MAP4K3: variants seen among roughly 807,000 people sequenced by gnomAD.
MAP4K3 encodes MAPK/ERK kinase kinase kinase 3.
MAP4K3 carries 94 observed loss-of-function variants against 143.5 expected under a neutral mutation model. The observed-to-expected ratio is 0.65, with a 90% CI of 0.55 to 0.78. The LOEUF (loss-of-function observed/expected upper bound fraction) is 0.78. Among genes scored for constraint, MAP4K3 ranks in the 30% least tolerant of loss-of-function variants. The pLI is 0.00. For synonymous variants in MAP4K3, 416 were observed against 347.2 expected (o/e 1.20, Z -2.20); for missense variants, 1,077 against 1,068.1 (o/e 1.01, Z -0.12).
Position 39,337,590 on chromosome 2 carries a change from G to A in MAP4K3, c.311-9C>T, listed in dbSNP as rs778859477. On this transcript the variant is annotated splice_polypyrimidine_tract_variant and intron_variant, in intron 4 of 33. Transcript: ENST00000263881. ...TGACAGAGGTCCAGTTACTGTAAAA[G>A]AAGACAATTAATACTCATAAAATTA... 2 of 1,597,924 alleles carry A rather than the reference G, an allele frequency of 1.3e-6. No homozygotes were observed. Among genetic ancestry groups the A allele is most frequent in the South Asian group, 2.2e-5 (2 of 90,510 alleles).
In MAP4K3 at chr2:39,299,775, T is replaced by C. The variant is rs767137530; in HGVS notation, c.1146A>G (p.Gly382=). The C allele has an allele frequency of 1.3e-6, 2 of 1,577,946 alleles. No homozygotes were observed. Among genetic ancestry groups the C allele is most frequent in the Admixed American group, 3.7e-5 (2 of 54,468 alleles). ...NLDLQLEYGQ[G]HQGGYFLGAN... ...CACCTAAAAAGTAACCACCTTGGTG[T>C]CCTTGTCCATATTCCAGTTGCAGAT... The change falls in exon 16 of 34, where the codon GGA becomes GGG. Residue 382 remains glycine, a synonymous_variant. Transcript: ENST00000263881.
rs77663149 is a variant in MAP4K3 at position 39,292,960 on chromosome 2, C to G, written c.1218-134G>C. ...GCATCTTTATAGGATAGGATAGATT[C>G]AGAATTAAAACAAGGAACTGGGAGC... On this transcript the variant is annotated intron_variant, in intron 17 of 33. Coordinates refer to ENST00000263881, the MANE Select transcript of MAP4K3 (RefSeq NM_003618.4). 2.3e-3 allele frequency: 1,775 copies of G among 776,802 alleles called. 26 individuals are homozygous for G. The African/African-American group carries it at 0.029, about 13-fold the overall frequency. The allele number at this position is 776,802 out of a possible 1,614,324, so 48.1% of individuals were successfully genotyped here.
At chr2:39,295,209 G>C (rs1018037099) in intron 16 of MAP4K3, among the ~76,000 whole-genome samples, 1 of 152,040 alleles carries the variant, frequency 6.6e-6, no homozygotes, top group African/African-American at 2.4e-5. Flanking sequence ...CACTGCCTCT[G>C]AGTCTCAGGA....
intron 1 of MAP4K3, among the ~76,000 whole-genome samples, chr2:39,415,980 A>AAAAAAAATATATATATATATATAT (rs1553318573): frequency 6.8e-5 from 1 of 14,754 alleles, no homozygotes; most frequent in East Asian, 2.5e-3. Context: ...AAAAAAAAAA[A>AAAAAAAATATATATATATATATAT]ATATATATAT....
chr2:39,396,865 C>T (rs1005092375), intron 1 of MAP4K3, among the ~76,000 whole-genome samples: 8 of 152,156 alleles, frequency 5.3e-5, no homozygotes, highest in African/African-American at 1.2e-4. Flanking sequence ...TTATAAGAGA[C>T]CAAAGAGTCA....
intron 19 of MAP4K3, 101 bp from the exon 20 acceptor site, chr2:39,288,381 A>G: frequency 9.9e-7 from 1 of 1,005,466 alleles, no homozygotes; most frequent in Non-Finnish European, 1.5e-6. Context: ...TTTCTACTAT[A>G]CATTAGAGGT....
chr2:39,327,505 T>C (rs972036278), intron 8 of MAP4K3, among the ~76,000 whole-genome samples: 2 of 152,168 alleles, frequency 1.3e-5, no homozygotes, highest in Admixed American at 6.5e-5. Context: ...AAACAATATT[T>C]TTAAAAGCAA....
In MAP4K3 at chr2:39,331,824, T is replaced by C. The variant is rs1573161476; in HGVS notation, c.530+93A>G. ...CTGTTGATGACTTTTTTCTTAATCT[T>C]AGTCTGAAAAATTCTGACCAGTCTA... On this transcript the variant is annotated intron_variant, in intron 8 of 33. Coordinates refer to ENST00000263881, the MANE Select transcript of MAP4K3 (RefSeq NM_003618.4). 3.9e-6 allele frequency: 3 copies of C among 761,096 alleles called. No individual in the cohort carries two copies. In the East Asian group the frequency reaches 8.3e-5, roughly 21 times the overall value. 47.1% of individuals were successfully genotyped at this position (761,096 alleles called of 1,614,324 possible).
chr2:39,313,928 T>C (rs556380743), intron 13 of MAP4K3, among the ~76,000 whole-genome samples: 4 of 152,366 alleles, frequency 2.6e-5, no homozygotes, highest in Admixed American at 1.3e-4. Context: ...ACTGACAATG[T>C]AATTTTTTAA....
intron 31 of MAP4K3, 68 bp from the exon 32 acceptor site, chr2:39,254,588 C>A (rs1680274924): frequency 4.5e-6 from 5 of 1,120,530 alleles, no homozygotes; most frequent in Non-Finnish European, 6.7e-6. Context: ...ATCATTTCAT[C>A]CCTCTATCTC....
intron 2 of MAP4K3, among the ~76,000 whole-genome samples, chr2:39,369,193 G>GTTTTTTTGTTTGTTTGTT (rs747293878): frequency 7.9e-5 from 3 of 37,978 alleles, no homozygotes; most frequent in African/African-American, 1.2e-4. Context: ...CTTTGGGCTA[G>GTTTTTTTGTTTGTTTGTT]TTTTTTTTTT....
chr2:39,415,990 T>A (rs1196924362), intron 1 of MAP4K3, among the ~76,000 whole-genome samples: 42 of 77,380 alleles, frequency 5.4e-4, no homozygotes, highest in Non-Finnish European at 6.4e-4. Flanking sequence ...AATATATATA[T>A]ATATATATAT....
Position 39,288,168 on chromosome 2 carries a change from G to C in MAP4K3, c.1427C>G (p.Pro476Arg). Residue 476 changes from proline (P) to arginine (R), a missense_variant, in exon 20 of 34, where the codon CCT (proline) becomes CGT (arginine). Coordinates refer to ENST00000263881, the MANE Select transcript of MAP4K3 (RefSeq NM_003618.4). ...GSPAKPSQVP[P>R]RPPPPRLPPH... ...GGGTAATCTGGGAGGTGGTGGTCTA[G>C]GTGGAACTTGGGATGGCTTTGCTGG... 1 of 1,614,140 alleles carries C rather than the reference G, an allele frequency of 6.2e-7. No homozygotes were observed. The highest frequency in any genetic ancestry group is 8.5e-7 in the Non-Finnish European group (1 of 1,180,014).
chr2:39,434,294 C>CA (rs1187968985), intron 1 of MAP4K3, among the ~76,000 whole-genome samples: 2 of 151,872 alleles, frequency 1.3e-5, no homozygotes, highest in Non-Finnish European at 2.9e-5. Flanking sequence ...AAACAAATAA[C>CA]AAAAAAATGT....
At chr2:39,251,962 A>C (rs1323966992) in intron 32 of MAP4K3, 77 bp from the exon 33 acceptor site, 1 of 928,998 alleles carries the variant, frequency 1.1e-6, no homozygotes, top group Non-Finnish European at 1.7e-6. Flanking sequence ...TTATAATTCA[A>C]CAGAAAAGAA....
At chr2:39,364,172 C>G (rs1416817879) in intron 2 of MAP4K3, among the ~76,000 whole-genome samples, 1 of 151,970 alleles carries the variant, frequency 6.6e-6, no homozygotes, top group Non-Finnish European at 1.5e-5. Context: ...GGTATATACC[C>G]CAAAGAACTG....
intron 19 of MAP4K3, 21 bp downstream of exon 19, chr2:39,290,271 T>G (rs773613574): frequency 3.5e-5 from 55 of 1,587,452 alleles, no homozygotes; most frequent in Non-Finnish European, 4.7e-5. Flanking sequence ...ATATATCAAA[T>G]TGAAAAATAA....
At chr2:39,351,915 C>T (rs1665470926) in intron 3 of MAP4K3, among the ~76,000 whole-genome samples, 1 of 152,212 alleles carries the variant, frequency 6.6e-6, no homozygotes, top group Non-Finnish European at 1.5e-5. Flanking sequence ...AGATGATCCA[C>T]CTGCCTCAGC....
intron 6 of MAP4K3, among the ~76,000 whole-genome samples, chr2:39,334,423 C>T (rs1683791710): frequency 7.2e-6 from 1 of 139,534 alleles, no homozygotes; most frequent in Admixed American, 7.7e-5. Context: ...AAAAGACTGG[C>T]ACAGGAGACA....
Sources: gnomAD v4.1 joint callset for allele counts (sites outside exome capture counted in the v4.1 genomes callset) on GRCh38, gnomAD v4.1.1 for gene constraint, MANE v1.5 for transcripts, NCBI Gene and HGNC (gene_info 2026-07-23, HGNC 2026-07-21) for gene names.